The following SYN3 variants were observed in gnomAD, a reference collection of about 807,000 sequenced individuals.
The protein encoded by SYN3 is synapsin-3.
A neutral mutation model predicts 65.8 loss-of-function variants in SYN3; 35 were observed. That is an observed-to-expected ratio of 0.53 (90% CI 0.41 to 0.70). The LOEUF (loss-of-function observed/expected upper bound fraction) is 0.70. SYN3 is among the 30% of genes least tolerant of loss of function. SYN3 has a pLI of 0.00. For synonymous variants in SYN3, 270 were observed against 292.9 expected (o/e 0.92, Z 0.80); for missense variants, 680 against 749.0 (o/e 0.91, Z 1.08).
chr22:32,723,834 G>A lies in SYN3; in HGVS notation c.712-127098C>T, dbSNP rs569719612. On this transcript the variant is annotated intron_variant, in intron 6 of 13. Coordinates refer to ENST00000358763, the MANE Select transcript of SYN3 (RefSeq NM_003490.4). ...GCCGGCTGCCGCCTGGATCCTTGCC[G>A]GAGGCCCCAGGGATAGGGGAGCTGT... 1.1e-4 allele frequency among the ~76,000 whole-genome samples: 16 copies of A among 152,350 alleles called. No homozygotes were observed. In the South Asian group the frequency reaches 2.3e-3, roughly 22 times the overall value.
chr22:33,034,935 A>G (rs1253222155), intron 1 of SYN3, among the ~76,000 whole-genome samples: 1 of 152,048 alleles, frequency 6.6e-6, no homozygotes. Context: ...TTGATACCTG[A>G]TGCCTTCTGG....
At chr22:32,836,655 T>G (rs1018739253) in intron 6 of SYN3, among the ~76,000 whole-genome samples, 1 of 152,110 alleles carries the variant, frequency 6.6e-6, no homozygotes, top group Non-Finnish European at 1.5e-5. Context: ...GTGCCCACTA[T>G]GTGAGTGATG....
At chr22:33,036,538 AT>A (rs1204497944) in intron 1 of SYN3, among the ~76,000 whole-genome samples, 2 of 152,144 alleles carry the variant, frequency 1.3e-5, no homozygotes, top group African/African-American at 4.8e-5. Context: ...AGAGGCATCT[AT>A]ATAACGAACT....
chr22:32,587,934 G>A (rs1468474787), intron 7 of SYN3, among the ~76,000 whole-genome samples: 1 of 152,116 alleles, frequency 6.6e-6, no homozygotes, highest in East Asian at 1.9e-4. Context: ...CAGCCAGACT[G>A]CCTGAGGGTT....
chr22:32,747,628 GT>G, intron 6 of SYN3, among the ~76,000 whole-genome samples: 1 of 152,212 alleles, frequency 6.6e-6, no homozygotes, highest in East Asian at 1.9e-4. Context: ...AAGCCAATGA[GT>G]AGCCTAGATT....
intron 1 of SYN3, 34 bp from the exon 2 acceptor site, chr22:33,006,858 C>T (rs133945): frequency 0.46 from 233,892 of 511,090 alleles, 54,868 homozygotes; most frequent in Middle Eastern, 0.53. Context: ...TAAGTGGAAA[C>T]GACCTCCACC....
intron 6 of SYN3, among the ~76,000 whole-genome samples, chr22:32,663,436 G>T (rs5754195): frequency 7.3e-5 from 11 of 151,700 alleles, no homozygotes; most frequent in Middle Eastern, 6.8e-3. Flanking sequence ...ATAGCTGGGA[G>T]TATAGGCACC....
intron 6 of SYN3, among the ~76,000 whole-genome samples, chr22:32,669,782 T>C (rs1233955014): frequency 3.3e-5 from 5 of 152,262 alleles, no homozygotes; most frequent in Admixed American, 6.5e-5. Context: ...TGTCATCTGA[T>C]AACTGCTGGG....
At chr22:32,578,574 G>A (rs1355740757) in intron 7 of SYN3, among the ~76,000 whole-genome samples, 3 of 152,150 alleles carry the variant, frequency 2.0e-5, no homozygotes, top group African/African-American at 7.2e-5. Flanking sequence ...CAAACTGTGA[G>A]TTTGAAATTG....
intron 6 of SYN3, among the ~76,000 whole-genome samples, chr22:32,840,140 T>C (rs1365962948): frequency 6.6e-6 from 1 of 152,168 alleles, no homozygotes; most frequent in Non-Finnish European, 1.5e-5. Context: ...TTCCCTGAGA[T>C]GGAAACTTGG....
intron 6 of SYN3, among the ~76,000 whole-genome samples, chr22:32,765,796 C>T (rs796202121): frequency 2.0e-5 from 3 of 152,208 alleles, no homozygotes; most frequent in African/African-American, 7.2e-5. Flanking sequence ...CCACTGAATG[C>T]AGGATCTTGT....
chr22:32,742,950 G>A (rs1194367161), intron 6 of SYN3, among the ~76,000 whole-genome samples: 2 of 152,128 alleles, frequency 1.3e-5, no homozygotes, highest in Non-Finnish European at 1.5e-5. Context: ...ACCCTATCAC[G>A]TATGATGCCC....
At chr22:33,025,063 G>A (rs994565962) in intron 1 of SYN3, among the ~76,000 whole-genome samples, 25 of 152,084 alleles carry the variant, frequency 1.6e-4, no homozygotes, top group Non-Finnish European at 1.6e-4. Flanking sequence ...TATTTTGGTG[G>A]GCACAGTGGC....
At chr22:32,640,632 C>T (rs902536689) in intron 6 of SYN3, among the ~76,000 whole-genome samples, 11 of 151,980 alleles carry the variant, frequency 7.2e-5, no homozygotes, top group East Asian at 1.9e-4. Context: ...TTTGGGTGGC[C>T]GAGGTGGGCG....
chr22:32,865,198 C>A (rs552615958), intron 5 of SYN3, among the ~76,000 whole-genome samples, 194 bp from the exon 6 acceptor site: 75 of 152,268 alleles, frequency 4.9e-4, no homozygotes, highest in Admixed American at 4.8e-3. Flanking sequence ...GCCATATTAA[C>A]CCCTCCATTT....
intron 6 of SYN3, among the ~76,000 whole-genome samples, chr22:32,774,613 C>T (rs572663004): frequency 1.0e-4 from 15 of 149,496 alleles, no homozygotes; most frequent in Non-Finnish European, 2.1e-4. Flanking sequence ...TTTTTCTTTT[C>T]CCGATATGGA....
chr22:32,664,898 C>T (rs1179622903), intron 6 of SYN3, among the ~76,000 whole-genome samples: 1 of 151,800 alleles, frequency 6.6e-6, no homozygotes, highest in South Asian at 2.1e-4. Context: ...AGGCGTGAAC[C>T]ACTGCACCCA....
chr22:32,774,294 C>T (rs1602114655), intron 6 of SYN3, among the ~76,000 whole-genome samples: 1 of 152,070 alleles, frequency 6.6e-6, no homozygotes, highest in Non-Finnish European at 1.5e-5. Flanking sequence ...TGGATTAGGG[C>T]GGGCTTTAAT....
At chr22:32,636,401 CAAAA>C (rs57388108) in intron 6 of SYN3, among the ~76,000 whole-genome samples, 2 of 101,662 alleles carry the variant, frequency 2.0e-5, no homozygotes, top group Admixed American at 1.2e-4. Flanking sequence ...GACTCCATCT[CAAAA>C]AAAAAAAAAA....
Sources: gnomAD v4.1 joint callset for allele counts (sites outside exome capture counted in the v4.1 genomes callset) on GRCh38, gnomAD v4.1.1 for gene constraint, MANE v1.5 for transcripts, NCBI Gene and HGNC (gene_info 2026-07-23, HGNC 2026-07-21) for gene names.